The following CASKIN2 variants were observed in gnomAD, a reference collection of about 807,000 sequenced individuals.
CASKIN2 encodes the protein caskin-2.
In CASKIN2, 41 loss-of-function variants were observed where a neutral mutation model predicts 107.1. The ratio of observed to expected loss-of-function variants is 0.38; its 90% CI spans 0.30 to 0.50. CASKIN2 has a LOEUF of 0.50. Ranked by LOEUF, CASKIN2 falls within the 20% of genes least tolerant of loss-of-function variation. CASKIN2 has a pLI of 0.92. For synonymous variants in CASKIN2, 724 were observed against 705.6 expected (o/e 1.03, Z -0.41); for missense variants, 1,546 against 1,657.4 (o/e 0.93, Z 1.17).
chr17:75,511,268 C>G (rs1206922301), intron 2 of CASKIN2, among the ~76,000 whole-genome samples: 1 of 151,972 alleles, frequency 6.6e-6, no homozygotes, highest in Non-Finnish European at 1.5e-5. Context: ...ACCACGTTGC[C>G]CAGGCTGGTC....
At chr17:75,508,068 C>T (rs1344162331) in intron 3 of CASKIN2, among the ~76,000 whole-genome samples, 166 bp downstream of exon 3, 2 of 152,180 alleles carry the variant, frequency 1.3e-5, no homozygotes, top group African/African-American at 2.4e-5. Context: ...TGCCCCCTCC[C>T]TCCAGCCCAG....
rs2053336956 is a variant in CASKIN2, at chr17:75,514,117, C to T, written c.-313G>A. On this transcript the variant is annotated 5_prime_UTR_variant, in exon 2 of 20. Coordinates refer to ENST00000321617, the MANE Select transcript of CASKIN2 (RefSeq NM_020753.5). ...GGCTGGGACTGGGCACACCAATCTTCCCGGCTTGGCTGTGGAACACCAGTG... is the reference window on the plus strand; with the variant it reads ...GGCTGGGACTGGGCACACCAATCTTTCCGGCTTGGCTGTGGAACACCAGTG... 1 of 530,654 alleles carries T rather than the reference C, an allele frequency of 1.9e-6. No homozygotes were observed. The allele number at this position is 530,654 out of a possible 1,614,324, so 32.9% of individuals were successfully genotyped here.
rs758007087 is a variant in CASKIN2, at chr17:75,505,018, C to T, written c.986G>A (p.Arg329Lys). 4.3e-6 allele frequency: 7 copies of T among 1,612,146 alleles called. No individual in the cohort carries two copies. In the Admixed American group the frequency reaches 6.7e-5, roughly 15 times the overall value. Reference protein sequence around the residue: ...RWKGHIHESQRGTDRIGYFPP... With the variant: ...RWKGHIHESQKGTDRIGYFPP... Reference sequence around the variant, plus strand: ...GAAGTAGCCTATGCGGTCTGTGCCCCTCTGGCTCTCGTGGATGTGGCCCTT... The same window carrying T: ...GAAGTAGCCTATGCGGTCTGTGCCCTTCTGGCTCTCGTGGATGTGGCCCTT... Residue 329 changes from arginine to lysine, a missense_variant, in exon 11 of 20, where the codon AGG (arginine) becomes AAG (lysine). Arg to Lys is a conservative substitution (Grantham distance 26). Around this residue, in one of 6 missense-constraint regions of CASKIN2, gnomAD observed 1,311 missense variants for 1,311.0 expected, o/e 1.00. Transcript: ENST00000321617. The surrounding 1 kb of genome is among the most constrained non-coding windows in gnomAD (Gnocchi z 5.1).
Position 75,506,515 on chromosome 17 carries a change from G to T in CASKIN2, c.617+68C>A. 1 of 1,600,868 alleles carries T rather than the reference G, an allele frequency of 6.2e-7. No homozygotes were observed. Among genetic ancestry groups the T allele is most frequent in the Non-Finnish European group, 8.5e-7 (1 of 1,172,824 alleles). On this transcript the variant is annotated intron_variant, in intron 7 of 19. Transcript: ENST00000321617. The surrounding 1 kb of genome is among the most constrained non-coding windows in gnomAD (Gnocchi z 4.8). ...AGCCCGGGTGAAAAGGGCAGTGGGGGAGAGCACTGAGGGGCACCGATGGTC... is the reference window on the plus strand; with the variant it reads ...AGCCCGGGTGAAAAGGGCAGTGGGGTAGAGCACTGAGGGGCACCGATGGTC...
At position 75,506,682 on chromosome 17, in the gene CASKIN2, C is replaced by G. The variant is rs1447372891; in HGVS notation, c.518G>C (p.Cys173Ser). 4 of 1,613,528 alleles carry G rather than the reference C, an allele frequency of 2.5e-6. No individual in the cohort carries two copies. The highest frequency in any genetic ancestry group is 3.4e-6 in the Non-Finnish European group (4 of 1,179,998). ...VAQLLLNSHL[C>S]VALLEGEAKD... ...GGCCTCACCCTCCAGCAGTGCCACA[C>G]ATAAGTGGCTGTTCAGAAGCAGCTG... The change falls in exon 7 of 20, where the codon TGT (cysteine) becomes TCT (serine). Residue 173 changes from cysteine (C) to serine (S), a missense_variant. Physicochemically the swap from Cys to Ser is moderately radical, Grantham distance 112. Coordinates refer to ENST00000321617, the MANE Select transcript of CASKIN2 (RefSeq NM_020753.5). This position sits in a 1 kb window ranked among gnomAD's most constrained non-coding sequence, Gnocchi z 4.8.
chr17:75,506,027 CG>C lies in CASKIN2; in HGVS notation c.727-99del. ...GGACATAGGTACTATTACCATTTTC[CG>C]ATTTTACAGATGAGGACATAGAGGC... On this transcript the variant is annotated intron_variant, in intron 8 of 19. Coordinates refer to ENST00000321617, the MANE Select transcript of CASKIN2 (RefSeq NM_020753.5). This position sits in a 1 kb window ranked among gnomAD's most constrained non-coding sequence, Gnocchi z 4.8. 9.0e-7 allele frequency: 1 copy of C among 1,106,686 alleles called. No individual in the cohort carries two copies. The highest frequency in any genetic ancestry group is 1.5e-5 in the South Asian group (1 of 68,796). The allele number at this position is 1,106,686 out of a possible 1,614,324, so 68.6% of individuals were successfully genotyped here.
chr17:75,507,526 G>T, intron 4 of CASKIN2, 58 bp downstream of exon 4: 2 of 1,287,158 alleles, frequency 1.6e-6, no homozygotes, highest in Non-Finnish European at 2.3e-6. Context: ...TGGTCCCAGG[G>T]TCTGGGTAGG....
chr17:75,503,129 C>G lies in CASKIN2; in HGVS notation c.1945G>C (p.Glu649Gln), dbSNP rs772690752. ...GGGCCTTCTCCGTTCTCCAGTCCCT[C>G]GATGGCCATCAGCTCCGGACCCTTG... ...LAKGPELMAI[E>Q]GLENGEGPAT... is the part of the protein sequence containing the mutation. Residue 649 changes from glutamate to glutamine, a missense_variant, in exon 18 of 20, where the codon GAG becomes CAG. By Grantham distance (29) the Glu-to-Gln change is conservative. Around this residue, in one of 6 missense-constraint regions of CASKIN2, gnomAD observed 1,311 missense variants for 1,311.0 expected, o/e 1.00. Transcript: ENST00000321617. 1.2e-6 allele frequency: 2 copies of G among 1,606,274 alleles called. No individual in the cohort carries two copies. The highest frequency in any genetic ancestry group is 8.5e-7 in the Non-Finnish European group (1 of 1,177,978).
In CASKIN2 at chr17:75,503,909, A is replaced by G. The variant is rs1185347756; in HGVS notation, c.1521T>C (p.Thr507=). 4 of 1,612,526 alleles carry G rather than the reference A, an allele frequency of 2.5e-6. No individual in the cohort carries two copies. The highest frequency in any genetic ancestry group is 1.3e-5 in the African/African-American group (1 of 74,866). ...WLSEFQLEGY[T]AHFLQAGYDV... Reference sequence around the variant, plus strand: ...CATAGCCGGCCTGCAGAAAGTGGGCAGTGTAGCCCTCCAGCTGGAACTCGC... The same window carrying G: ...CATAGCCGGCCTGCAGAAAGTGGGCGGTGTAGCCCTCCAGCTGGAACTCGC... The change falls in exon 15 of 20, where the codon ACT becomes ACC. Residue 507 remains threonine, a synonymous_variant. Transcript: ENST00000321617.
chr17:75,507,886 GCCC>G (rs529176788), intron 3 of CASKIN2: 1 of 578,480 alleles, frequency 1.7e-6, no homozygotes, highest in East Asian at 2.8e-5. Context: ...CGTTTGTCTC[GCCC>G]CCCCGCCTCC....
Position 75,502,641 on chromosome 17 carries a change from A to T in CASKIN2, c.2433T>A (p.Ala811=). The T allele has an allele frequency of 6.2e-7, 1 of 1,604,988 alleles. No individual in the cohort carries two copies. The change falls in exon 18 of 20, where the codon GCT becomes GCA. Residue 811 remains alanine (A), a synonymous_variant. Coordinates refer to ENST00000321617, the MANE Select transcript of CASKIN2 (RefSeq NM_020753.5). This position sits in a 1 kb window ranked among gnomAD's most constrained non-coding sequence, Gnocchi z 4.3. Reference sequence around the variant, plus strand: ...CCACTGGCCCTTCGGCCTCCCCCTCAGCATCCCCCTCTGTGGGGCCAGGGC... The same window carrying T: ...CCACTGGCCCTTCGGCCTCCCCCTCTGCATCCCCCTCTGTGGGGCCAGGGC... ...LSRPGPTEGD[A]EGEAEGPVGS... is the part of the protein sequence containing the mutation.
rs753356705 is a variant in CASKIN2, at chr17:75,502,241, T to C, written c.2833A>G (p.Ser945Gly). The part of the protein sequence containing the change: ...GPEGTPPSRG[S>G]SGEGLPFAEE... Reference sequence around the variant, plus strand: ...GCAAACGGCAGCCCTTCCCCAGAGCTGCCCCGAGATGGGGGCGTCCCCTCA... The same window carrying C: ...GCAAACGGCAGCCCTTCCCCAGAGCCGCCCCGAGATGGGGGCGTCCCCTCA... Residue 945 changes from serine to glycine, a missense_variant, in exon 18 of 20, where the codon AGC becomes GGC. Physicochemically the swap from Ser to Gly is moderately conservative, Grantham distance 56 (BLOSUM62 0). Transcript: ENST00000321617. The surrounding 1 kb of genome is among the most constrained non-coding windows in gnomAD (Gnocchi z 4.3). 4 of 1,565,634 alleles carry C rather than the reference T, an allele frequency of 2.6e-6. No homozygotes were observed. The East Asian group carries it at 9.1e-5, about 35-fold the overall frequency.
chr17:75,500,783 A>G lies in CASKIN2; in HGVS notation c.*297T>C. 1 of 370,276 alleles carries G rather than the reference A, an allele frequency of 2.7e-6. No homozygotes were observed. 22.9% of individuals were successfully genotyped at this position (370,276 alleles called of 1,614,324 possible). Reference sequence around the variant, plus strand: ...CCCCACCCCTACTTCCTCCCTGAGGAGAGAGCTCTTACCAGGGTCCCTGTC... The same window carrying G: ...CCCCACCCCTACTTCCTCCCTGAGGGGAGAGCTCTTACCAGGGTCCCTGTC... On this transcript the variant is annotated 3_prime_UTR_variant, in exon 20 of 20. Coordinates refer to ENST00000321617, the MANE Select transcript of CASKIN2 (RefSeq NM_020753.5).
At position 75,500,323 on chromosome 17, in the gene CASKIN2, G is replaced by C. The variant is rs764688189; in HGVS notation, c.*757C>G. 2 of 152,424 alleles carry C rather than the reference G, an allele frequency of 1.3e-5. No individual in the cohort carries two copies. Among genetic ancestry groups the C allele is most frequent in the Admixed American group, 6.5e-5 (1 of 15,302 alleles). The allele number at this position is 152,424 out of a possible 1,614,324, so 9.4% of individuals were successfully genotyped here. ...GAAGAGGTTAATGGTTACAGAGCCAGGGCCTGGGCCAATGGGGTCAGGCTC... is the reference window on the plus strand; with the variant it reads ...GAAGAGGTTAATGGTTACAGAGCCACGGCCTGGGCCAATGGGGTCAGGCTC... On this transcript the variant is annotated 3_prime_UTR_variant, in exon 20 of 20. Coordinates refer to ENST00000321617, the MANE Select transcript of CASKIN2 (RefSeq NM_020753.5).
In CASKIN2 at chr17:75,502,509, G is replaced by C; in HGVS notation, c.2565C>G (p.Arg855=). ...VTPTPARGTP[R]SQSFALRARR... ...GGGCCCGCAGGGCAAAGGACTGGCTGCGAGGAGTCCCCCGAGCTGGGGTTG... is the reference window on the plus strand; with the variant it reads ...GGGCCCGCAGGGCAAAGGACTGGCTCCGAGGAGTCCCCCGAGCTGGGGTTG... Residue 855 remains arginine, a synonymous_variant, in exon 18 of 20, where the codon CGC becomes CGG. Transcript: ENST00000321617. The surrounding 1 kb of genome is among the most constrained non-coding windows in gnomAD (Gnocchi z 4.3). 6.8e-7 allele frequency: 1 copy of C among 1,471,780 alleles called. No homozygotes were observed. The highest frequency in any genetic ancestry group is 9.0e-7 in the Non-Finnish European group (1 of 1,106,588). 91.2% of individuals were successfully genotyped at this position (1,471,780 alleles called of 1,614,324 possible).
At position 75,502,010 on chromosome 17, in the gene CASKIN2, G is replaced by C. The variant is rs757745401; in HGVS notation, c.3064C>G (p.Leu1022Val). Residue 1022 changes from leucine to valine, a missense_variant, in exon 18 of 20, where the codon CTG (leucine) becomes GTG (valine). Physicochemically the swap from Leu to Val is conservative, Grantham distance 32 (BLOSUM62 1). This residue lies in a region of CASKIN2 where 1,311 missense variants were observed against 1,311.0 expected (regional missense o/e 1.00). Transcript: ENST00000321617. The surrounding 1 kb of genome is among the most constrained non-coding windows in gnomAD (Gnocchi z 4.3). ...ASATPGPAAP[L>V]PSPTPGESPP... ...GACTCGCCAGGAGTTGGGGAAGGCA[G>C]TGGGGCAGCGGGGCCAGGCGTGGCA... is the stretch of plus-strand genomic sequence containing the variant. 3.1e-6 allele frequency: 5 copies of C among 1,612,764 alleles called. No homozygotes were observed. The Admixed American group carries it at 8.3e-5, about 27-fold the overall frequency.
At position 75,506,729 on chromosome 17, in the gene CASKIN2, C is replaced by G. The variant is rs754163821; in HGVS notation, c.487-16G>C. On this transcript the variant is annotated splice_polypyrimidine_tract_variant and intron_variant, in intron 6 of 19. Coordinates refer to ENST00000321617, the MANE Select transcript of CASKIN2 (RefSeq NM_020753.5). This position sits in a 1 kb window ranked among gnomAD's most constrained non-coding sequence, Gnocchi z 4.8. ...GCTGGGCCACCTGCAGCACCCAGTGCCCAGTTAGAGCCTCCTCCTGAGACC... is the reference window on the plus strand; with the variant it reads ...GCTGGGCCACCTGCAGCACCCAGTGGCCAGTTAGAGCCTCCTCCTGAGACC... The G allele has an allele frequency of 1.2e-6, 2 of 1,613,568 alleles. No homozygotes were observed. The highest frequency in any genetic ancestry group is 2.2e-5 in the South Asian group (2 of 91,080).
chr17:75,502,564 G>GCACTGCGTC lies in CASKIN2; in HGVS notation c.2501_2509dup (p.Gly834_Ser836dup). 1 of 1,576,048 alleles carries GCACTGCGTC rather than the reference G, an allele frequency of 6.3e-7. No homozygotes were observed. Among genetic ancestry groups the GCACTGCGTC allele is most frequent in the Non-Finnish European group, 8.6e-7 (1 of 1,158,734 alleles). On this transcript the variant is annotated inframe_insertion, in exon 18 of 20. Transcript: ENST00000321617. The surrounding 1 kb of genome is among the most constrained non-coding windows in gnomAD (Gnocchi z 4.3). Reference sequence around the variant, plus strand: ...CACACTAGGACTGGTCCGGACAAGGGCACTGCGTCCTGGCCGCCGGGTAAG... The same window carrying GCACTGCGTC: ...CACACTAGGACTGGTCCGGACAAGGGCACTGCGTCCACTGCGTCCTGGCCGCCGGGTAAG...
chr17:75,503,773 G>C lies in CASKIN2; in HGVS notation c.1579-13C>G, dbSNP rs770373561. 9 of 1,612,330 alleles carry C rather than the reference G, an allele frequency of 5.6e-6. No homozygotes were observed. The highest frequency in any genetic ancestry group is 7.6e-6 in the Non-Finnish European group (9 of 1,179,886). On this transcript the variant is annotated splice_polypyrimidine_tract_variant and intron_variant, in intron 15 of 19. Transcript: ENST00000321617. Reference sequence around the variant, plus strand: ...TGGCCGTCAGGTCCTGCCACACAAAGTCTGGCCATCAGGCCCCTCCCCCGC... The same window carrying C: ...TGGCCGTCAGGTCCTGCCACACAAACTCTGGCCATCAGGCCCCTCCCCCGC...
Sources: gnomAD v4.1 joint callset for allele counts (sites outside exome capture counted in the v4.1 genomes callset) on GRCh38, gnomAD v4.1.1 for gene constraint, gnomAD v4.1.1 regional missense constraint, Gnocchi (gnomAD v3.1) non-coding constraint, MANE v1.5 for transcripts, NCBI Gene and HGNC (gene_info 2026-07-23, HGNC 2026-07-21) for gene names.